The following INPP5D variants were observed in gnomAD, a reference collection of about 807,000 sequenced individuals.
INPP5D encodes phosphatidylinositol 3,4,5-trisphosphate 5-phosphatase 1.
In INPP5D, 33 loss-of-function variants were observed where a neutral mutation model predicts 122.9. That is an observed-to-expected ratio of 0.27 (90% CI 0.20 to 0.36). INPP5D has a LOEUF of 0.36. Among genes scored for constraint, INPP5D ranks in the 10% least tolerant of loss-of-function variants. The pLI, the probability that INPP5D is intolerant of heterozygous loss-of-function variation, is 1.00. For synonymous variants in INPP5D, 584 were observed against 576.2 expected (o/e 1.01, Z -0.19); for missense variants, 1,053 against 1,412.7 (o/e 0.75, Z 4.08).
At chr2:233,147,303 G>A (rs961040275) in intron 8 of INPP5D, among the ~76,000 whole-genome samples, 168 bp from the exon 9 acceptor site, 9 of 152,290 alleles carry the variant, frequency 5.9e-5, no homozygotes, top group South Asian at 2.1e-4. Flanking sequence ...CCCGGGAGAC[G>A]CCTGTGGAAA....
chr2:233,095,628 AAAAAAAAAAAAAAAAC>A (rs760374191), intron 2 of INPP5D, among the ~76,000 whole-genome samples: 3 of 14,864 alleles, frequency 2.0e-4, no homozygotes, highest in Admixed American at 5.2e-4. Flanking sequence ...AAAAAAAAAA[AAAAAAAAAAAAAAAAC>A]AACTCCTGGG....
chr2:233,117,617 G>A (rs1692839083), intron 2 of INPP5D, among the ~76,000 whole-genome samples: 1 of 152,022 alleles, frequency 6.6e-6, no homozygotes, highest in African/African-American at 2.4e-5. Context: ...ACTACTATGA[G>A]TTCGGGGGGG....
intron 22 of INPP5D, 98 bp from the exon 23 acceptor site, chr2:233,193,714 G>A: frequency 1.3e-6 from 2 of 1,594,112 alleles, no homozygotes; most frequent in Non-Finnish European, 1.7e-6. Flanking sequence ...CCTTGCCTGG[G>A]CTATAGTTTC....
Position 233,130,556 on chromosome 2 carries a change from G to A in INPP5D, c.573G>A (p.Gln191=), listed in dbSNP as rs1228379343. Residue 191 remains glutamine, a synonymous_variant, in exon 5 of 27, where the codon CAG becomes CAA. Transcript: ENST00000445964. ...LKAIQDYLST[Q]LAQDSEFVKT... is the part of the protein sequence containing the mutation. ...CCATCCAAGATTATTTAAGCACTCA[G>A]CTCGCCCAGGACTCTGAATTTGTGA... is the stretch of plus-strand genomic sequence containing the variant. 1.4e-5 allele frequency: 23 copies of A among 1,613,852 alleles called. 1 individual carries two copies. The highest frequency in any genetic ancestry group is 3.3e-4 in the Middle Eastern group (2 of 6,084).
chr2:233,131,987 A>G (rs1693340995), intron 5 of INPP5D, among the ~76,000 whole-genome samples: 1 of 152,250 alleles, frequency 6.6e-6, no homozygotes, highest in Non-Finnish European at 1.5e-5. Flanking sequence ...TTGACAAATC[A>G]AGCACTCACC....
intron 2 of INPP5D, among the ~76,000 whole-genome samples, chr2:233,093,842 G>A (rs1467816747): frequency 6.6e-6 from 1 of 152,118 alleles, no homozygotes. Context: ...CCCACCACTG[G>A]CTCTCTCCTG....
intron 9 of INPP5D, among the ~76,000 whole-genome samples, chr2:233,150,740 C>T (rs932903278): frequency 3.3e-5 from 5 of 152,140 alleles, no homozygotes; most frequent in South Asian, 2.1e-4. Flanking sequence ...GAGAAGGGAA[C>T]GCTGGCACAT....
rs70940833 is a variant in INPP5D at position 233,182,662 on chromosome 2, T to C, written c.2161+163T>C. Among the ~76,000 whole-genome samples, 3 of 152,116 alleles carry C rather than the reference T, an allele frequency of 2.0e-5. No homozygotes were observed. The East Asian group carries it at 5.8e-4, about 29-fold the overall frequency. ...TCTTCATGTCCCAGCCACAGCACAA[T>C]TGCAGTCCAGAGAATTTACTTGCTC... On this transcript the variant is annotated intron_variant, in intron 19 of 26. Transcript: ENST00000445964.
chr2:233,109,289 C>T (rs1240728685), intron 2 of INPP5D, among the ~76,000 whole-genome samples: 1 of 152,252 alleles, frequency 6.6e-6, no homozygotes, highest in African/African-American at 2.4e-5. Context: ...CACGCTTCAG[C>T]TGAGACAGCC....
rs78297739 is a variant in INPP5D, at chr2:233,189,764, C to T, written c.2359-86C>T. On this transcript the variant is annotated intron_variant, in intron 21 of 26. Transcript: ENST00000445964. This position sits in a 1 kb window ranked among gnomAD's most constrained non-coding sequence, Gnocchi z 5.6. Reference sequence around the variant, plus strand: ...AGATCTGATTACTAAGAACACCTTTCGTCATCTTCATCCACTTGTCCACCC... The same window carrying T: ...AGATCTGATTACTAAGAACACCTTTTGTCATCTTCATCCACTTGTCCACCC... The T allele has an allele frequency of 6.1e-5, 95 of 1,552,022 alleles. No homozygotes were observed. In the East Asian group the frequency reaches 1.4e-3, roughly 23 times the overall value.
At chr2:233,161,410 G>T (rs1309459560) in intron 10 of INPP5D, among the ~76,000 whole-genome samples, 4 of 152,158 alleles carry the variant, frequency 2.6e-5, no homozygotes, top group Non-Finnish European at 5.9e-5. Context: ...CATTATTAAT[G>T]AATCTCCTAA....
intron 2 of INPP5D, among the ~76,000 whole-genome samples, chr2:233,102,969 AG>A (rs1281216401): frequency 1.3e-5 from 2 of 152,026 alleles, no homozygotes; most frequent in Non-Finnish European, 2.9e-5. Flanking sequence ...TCCCCTTCCT[AG>A]GAAACCATTT....
intron 3 of INPP5D, among the ~76,000 whole-genome samples, chr2:233,123,121 G>A (rs553652168): frequency 6.6e-5 from 10 of 152,174 alleles, no homozygotes; most frequent in African/African-American, 1.9e-4. Context: ...TCATTAAAAG[G>A]GGGAGGGGGA....
rs1693235714 is a variant in INPP5D at position 233,128,664 on chromosome 2, G to C, written c.525-1844G>C. 6.6e-6 allele frequency among the ~76,000 whole-genome samples: 1 copy of C among 152,084 alleles called. No homozygotes were observed. The highest frequency in any genetic ancestry group is 1.5e-5 in the Non-Finnish European group (1 of 68,032). On this transcript the variant is annotated intron_variant, in intron 4 of 26. Transcript: ENST00000445964. The surrounding 1 kb of genome is among the most constrained non-coding windows in gnomAD (Gnocchi z 4.5). ...AGCTAATTTTTGTATTTTTAGTAGA[G>C]ACAGGGTTTCACCATGTTGGCCAGG...
intron 2 of INPP5D, among the ~76,000 whole-genome samples, chr2:233,110,572 T>A (rs936780881): frequency 1.3e-5 from 2 of 152,192 alleles, no homozygotes; most frequent in African/African-American, 4.8e-5. Flanking sequence ...ACCAATTACA[T>A]GAGCTAGGTT....
chr2:233,147,316 T>C (rs1403628866), intron 8 of INPP5D, among the ~76,000 whole-genome samples, 155 bp from the exon 9 acceptor site: 2 of 152,110 alleles, frequency 1.3e-5, no homozygotes, highest in African/African-American at 4.8e-5. Context: ...TGTGGAAACA[T>C]GCACGTGCGC....
chr2:233,092,415 G>A (rs879320018), intron 2 of INPP5D, among the ~76,000 whole-genome samples: 14 of 152,034 alleles, frequency 9.2e-5, no homozygotes, highest in Admixed American at 3.3e-4. Flanking sequence ...CTGGGCAATG[G>A]GGAAAATGGA....
chr2:233,137,353 TA>T (rs539908471), intron 5 of INPP5D, among the ~76,000 whole-genome samples: 104 of 151,478 alleles, frequency 6.9e-4, no homozygotes, highest in African/African-American at 2.3e-3. Context: ...AAATCATTTT[TA>T]AAAAAAAGGA....
chr2:233,098,834 G>T (rs1692222499), intron 2 of INPP5D, among the ~76,000 whole-genome samples: 1 of 152,156 alleles, frequency 6.6e-6, no homozygotes, highest in Non-Finnish European at 1.5e-5. Flanking sequence ...GGCACCAGGG[G>T]GCGCCCATTC....
Sources: gnomAD v4.1 joint callset for allele counts (sites outside exome capture counted in the v4.1 genomes callset) on GRCh38, gnomAD v4.1.1 for gene constraint, Gnocchi (gnomAD v3.1) non-coding constraint, MANE v1.5 for transcripts, NCBI Gene and HGNC (gene_info 2026-07-23, HGNC 2026-07-21) for gene names.